Variants in ZNF722 observed in about 807,000 individuals in gnomAD.
The protein encoded by ZNF722 is zinc finger protein 722.
At chr7:64,007,230 G>GTATATATATATATATATATATATA in the ZNF722 span, among the ~76,000 whole-genome samples, 288 of 138,166 alleles carry the variant, frequency 2.1e-3, 2 homozygotes, top group African/African-American at 4.6e-3. Flanking sequence ...GTTTGTGTGT[G>GTATATATATATATATATATATATA]TATATATATA....
chr7:64,000,790 C>T, the ZNF722 span, among the ~76,000 whole-genome samples: 458 of 150,088 alleles, frequency 3.1e-3, 4 homozygotes, highest in East Asian at 0.034. Flanking sequence ...GCGGGGGGAG[C>T]GGGAGCAGGA....
chr7:64,015,386 T>C, the ZNF722 span: 2 of 1,522,452 alleles, frequency 1.3e-6, no homozygotes, highest in Non-Finnish European at 1.8e-6. Context: ...AGATAATTCA[T>C]ACTAAGGAGA....
chr7:64,007,409 A>C, the ZNF722 span, among the ~76,000 whole-genome samples: 4 of 151,956 alleles, frequency 2.6e-5, no homozygotes, highest in Non-Finnish European at 5.9e-5. Context: ...ACTCCACGAC[A>C]GGCCCTGGTG....
chr7:64,015,873 A>T, the ZNF722 span: 1 of 1,576,414 alleles, frequency 6.3e-7, no homozygotes, highest in Non-Finnish European at 8.7e-7. Flanking sequence ...AAGTCTTGCT[A>T]AACATAAGAT....
the ZNF722 span, chr7:63,999,132 C>T: frequency 1.8e-6 from 2 of 1,088,440 alleles, no homozygotes; most frequent in Non-Finnish European, 2.7e-6. Flanking sequence ...CTTGTCCCAG[C>T]TCGGCTTTTA....
At chr7:64,015,559 G>C in the ZNF722 span, 2 of 1,613,430 alleles carry the variant, frequency 1.2e-6, no homozygotes, top group Non-Finnish European at 1.7e-6. Context: ...ATTCATACTG[G>C]AGAGAAACCC....
the ZNF722 span, among the ~76,000 whole-genome samples, chr7:64,004,425 A>AAAAATAT: frequency 7.3e-3 from 444 of 61,014 alleles, no homozygotes; most frequent in East Asian, 0.013. Flanking sequence ...AAAAAAAAAA[A>AAAAATAT]ATATATATAT....
At chr7:64,002,388 G>T in the ZNF722 span, among the ~76,000 whole-genome samples, 13 of 152,092 alleles carry the variant, frequency 8.5e-5, no homozygotes, top group African/African-American at 2.9e-4. Context: ...GTAACCCAGA[G>T]ATTCTAGTAT....
the ZNF722 span, among the ~76,000 whole-genome samples, chr7:64,007,023 C>G: frequency 1.3e-5 from 2 of 151,390 alleles, no homozygotes; most frequent in African/African-American, 4.9e-5. Context: ...TTTATGATGG[C>G]TGCATCTTTT....
the ZNF722 span, among the ~76,000 whole-genome samples, chr7:64,011,514 G>T: frequency 6.6e-6 from 1 of 152,106 alleles, no homozygotes; most frequent in Non-Finnish European, 1.5e-5. Context: ...ATGAAGCTTA[G>T]TTTGGCTGGA....
At chr7:64,015,486 T>C in the ZNF722 span, 790 of 1,612,420 alleles carry the variant, frequency 4.9e-4, 2 homozygotes, top group Non-Finnish European at 6.2e-4. Context: ...AGAGAAACCC[T>C]ACAGATGTGA....
At chr7:64,010,058 A>G in the ZNF722 span, among the ~76,000 whole-genome samples, 1 of 152,064 alleles carries the variant, frequency 6.6e-6, no homozygotes, top group Non-Finnish European at 1.5e-5. Context: ...CTCTGATGGT[A>G]GTTTGTATTT....
chr7:64,004,428 AT>A, the ZNF722 span, among the ~76,000 whole-genome samples: 1,326 of 64,174 alleles, frequency 0.021, 17 homozygotes, highest in South Asian at 0.037. Flanking sequence ...AAAAAAAAAT[AT>A]ATATATATAT....
At chr7:64,008,152 C>T in the ZNF722 span, among the ~76,000 whole-genome samples, 1 of 152,282 alleles carries the variant, frequency 6.6e-6, no homozygotes, top group East Asian at 1.9e-4. Flanking sequence ...AGCCCTTTGT[C>T]AGATGGGTAG....
chr7:63,999,092 C>T, the ZNF722 span: 2 of 1,412,192 alleles, frequency 1.4e-6, no homozygotes, highest in Non-Finnish European at 2.0e-6. Context: ...TCCTCGCAGT[C>T]AGCTCTGGAG....
At chr7:63,999,088 C>T in the ZNF722 span, 4 of 1,428,924 alleles carry the variant, frequency 2.8e-6, no homozygotes, top group Non-Finnish European at 3.0e-6. Context: ...AACTTCCTCG[C>T]AGTCAGCTCT....
chr7:64,013,189 A>G, the ZNF722 span, among the ~76,000 whole-genome samples: 2 of 152,162 alleles, frequency 1.3e-5, no homozygotes, highest in Middle Eastern at 3.4e-3. Flanking sequence ...TTTAATTGAT[A>G]TTTTATTTAA....
the ZNF722 span, chr7:64,006,403 G>A: frequency 2.1e-6 from 2 of 952,628 alleles, no homozygotes; most frequent in East Asian, 5.7e-5. Context: ...TGTGGTCTGG[G>A]GAGCTGTGCT....
At chr7:64,002,661 A>G in the ZNF722 span, among the ~76,000 whole-genome samples, 2 of 152,216 alleles carry the variant, frequency 1.3e-5, no homozygotes. Flanking sequence ...AGTGCTATGA[A>G]AATTAAATCA....
Sources: gnomAD v4.1 joint callset for allele counts (sites outside exome capture counted in the v4.1 genomes callset) on GRCh38, gnomAD v4.1.1 for gene constraint, MANE v1.5 for transcripts, NCBI Gene and HGNC (gene_info 2026-07-23, HGNC 2026-07-21) for gene names.